SCN3B: variants seen among roughly 807,000 people sequenced by gnomAD.
The protein encoded by SCN3B is sodium voltage-gated channel beta subunit 3, also known as sodium channel regulatory subunit beta-3.
SCN3B carries 11 observed loss-of-function variants against 25.4 expected under a neutral mutation model. The ratio of observed to expected loss-of-function variants is 0.43; its 90% CI spans 0.27 to 0.72. The LOEUF (loss-of-function observed/expected upper bound fraction) is 0.72. Ranked by LOEUF, SCN3B falls within the 30% of genes least tolerant of loss-of-function variation. The pLI is 0.18. For missense variants in SCN3B, 218 were observed against 278.3 expected (o/e 0.78, Z 1.54); for synonymous variants, 109 against 110.7 (o/e 0.99, Z 0.09).
At position 123,633,788 on chromosome 11, in the gene SCN3B, A is replaced by G; in HGVS notation, c.*23-12T>C. On this transcript the variant is annotated splice_polypyrimidine_tract_variant and intron_variant, in intron 6 of 6. Coordinates refer to ENST00000299333, the MANE Select transcript of SCN3B (RefSeq NM_001040151.2). Reference sequence around the variant, plus strand: ...GGTGTTCAGGCCACCTACCAAAGATAAAATAACTCACTGAGAATTTCCCAC... The same window carrying G: ...GGTGTTCAGGCCACCTACCAAAGATGAAATAACTCACTGAGAATTTCCCAC... 2.9e-6 allele frequency: 1 copy of G among 345,990 alleles called. No individual in the cohort carries two copies. Among genetic ancestry groups the G allele is most frequent in the Non-Finnish European group, 5.7e-6 (1 of 176,852 alleles). The allele number at this position is 345,990 out of a possible 1,614,324, so 21.4% of individuals were successfully genotyped here.
Position 123,642,542 on chromosome 11 carries a change from G to A in SCN3B, c.349C>T (p.Leu117Phe). ...VLNVTLNDSG[L>F]YTCNVSREFE... is the part of the protein sequence containing the mutation. ...TCCCGGGACACATTGCAGGTGTAGA[G>A]GCCAGAGTCGTTCAGAGTGACGTTG... The change falls in exon 4 of 7, where the codon CTC becomes TTC. Residue 117 changes from leucine to phenylalanine, a missense_variant. Coordinates refer to ENST00000299333, the MANE Select transcript of SCN3B (RefSeq NM_001040151.2). The surrounding 1 kb of genome is among the most constrained non-coding windows in gnomAD (Gnocchi z 4.3). 6.2e-7 allele frequency: 1 copy of A among 1,614,182 alleles called. No individual in the cohort carries two copies. The highest frequency in any genetic ancestry group is 1.7e-5 in the Admixed American group (1 of 60,034).
chr11:123,649,380 T>C (rs556519492), intron 2 of SCN3B, among the ~76,000 whole-genome samples: 1 of 152,318 alleles, frequency 6.6e-6, no homozygotes, highest in South Asian at 2.1e-4. Flanking sequence ...GGTATCATCA[T>C]AGAGCAAGTC....
chr11:123,646,395 C>A (rs2137248082), intron 2 of SCN3B, among the ~76,000 whole-genome samples: 1 of 152,304 alleles, frequency 6.6e-6, no homozygotes, highest in South Asian at 2.1e-4. Flanking sequence ...CTGTGAAGAC[C>A]TCTGTGTGTC....
In SCN3B at chr11:123,629,799, G is replaced by A. The variant is rs1402180601; in HGVS notation, c.*4000C>T. 1 of 152,190 alleles carries A rather than the reference G, an allele frequency of 6.6e-6. No homozygotes were observed. The highest frequency in any genetic ancestry group is 1.5e-5 in the Non-Finnish European group (1 of 68,032). The allele number at this position is 152,190 out of a possible 1,614,324, so 9.4% of individuals were successfully genotyped here. ...TAGGGATTTTTCATTTACAAAATGA[G>A]GTGAGAGGAAGGCTTCTTTTGTTTT... is the stretch of plus-strand genomic sequence containing the variant. On this transcript the variant is annotated 3_prime_UTR_variant, in exon 7 of 7. Coordinates refer to ENST00000299333, the MANE Select transcript of SCN3B (RefSeq NM_001040151.2).
At chr11:123,638,901 C>T (rs1955757505) in intron 4 of SCN3B, 1 of 171,022 alleles carries the variant, frequency 5.8e-6, no homozygotes, top group South Asian at 1.4e-4. Flanking sequence ...CGCATGTTCT[C>T]TACAAGTCTG....
At chr11:123,637,758 G>T (rs908440960) in intron 5 of SCN3B, among the ~76,000 whole-genome samples, 1 of 151,960 alleles carries the variant, frequency 6.6e-6, no homozygotes, top group Non-Finnish European at 1.5e-5. Context: ...TTGAACTCCT[G>T]ACCTCAGGTG....
At chr11:123,649,677 CTCTCTCTCTCTCTGTCTCTG>C (rs1304215122) in intron 2 of SCN3B, among the ~76,000 whole-genome samples, 4 of 91,844 alleles carry the variant, frequency 4.4e-5, no homozygotes, top group Non-Finnish European at 9.4e-5. Context: ...TCTTTTTTTC[CTCTCTCTCTCTCTGTCTCTG>C]TCTCTCTCTC....
In SCN3B at chr11:123,653,959, C is replaced by G. The variant is rs1330265256; in HGVS notation, c.-25-133G>C. On this transcript the variant is annotated intron_variant, in intron 1 of 6. Coordinates refer to ENST00000299333, the MANE Select transcript of SCN3B (RefSeq NM_001040151.2). ...GGCCGAGCACCGGTGCCTGGGGAGG[C>G]CCTGGGAGCTTTTGGAGCCGGGTGG... 1.9e-5 allele frequency: 16 copies of G among 834,350 alleles called. No individual in the cohort carries two copies. In the South Asian group the frequency reaches 2.4e-4, roughly 12 times the overall value. 51.7% of individuals were successfully genotyped at this position (834,350 alleles called of 1,614,324 possible).
chr11:123,644,800 AATATATATATAT>A (rs56135097), intron 3 of SCN3B, among the ~76,000 whole-genome samples: 65 of 45,570 alleles, frequency 1.4e-3, no homozygotes, highest in Admixed American at 2.0e-3. Flanking sequence ...AGAGAGAGAG[AATATATATATAT>A]ATATATATAT....
intron 3 of SCN3B, among the ~76,000 whole-genome samples, chr11:123,644,450 A>G (rs1274215): frequency 0.089 from 13,526 of 152,122 alleles, 671 homozygotes; most frequent in South Asian, 0.16. Flanking sequence ...GGAGTAAATA[A>G]TGGTCATCTC....
At chr11:123,638,627 A>C in intron 4 of SCN3B, 1 of 419,634 alleles carries the variant, frequency 2.4e-6, no homozygotes, top group Non-Finnish European at 4.5e-6. Context: ...ACAGGTGTGT[A>C]AACAACCATT....
chr11:123,642,592 AG>A lies in SCN3B; in HGVS notation c.298del (p.Leu100CysfsTer13). ...GAGCACAGTGATGGACACGTCCTGC[AG>A]GTCCTTGCTGCCATTCCACTGCAGG... ...GRLQWNGSKD[L>X]QDVSITVLNV... On this transcript the variant is annotated frameshift_variant, in exon 4 of 7. Coordinates refer to ENST00000299333, the MANE Select transcript of SCN3B (RefSeq NM_001040151.2). LOFTEE classifies it high-confidence loss of function. This position sits in a 1 kb window ranked among gnomAD's most constrained non-coding sequence, Gnocchi z 4.3. 1 of 1,614,216 alleles carries A rather than the reference AG, an allele frequency of 6.2e-7. No homozygotes were observed. The highest frequency in any genetic ancestry group is 1.3e-5 in the African/African-American group (1 of 75,056).
At chr11:123,643,055 G>T (rs566542196) in intron 3 of SCN3B, among the ~76,000 whole-genome samples, 1 of 152,206 alleles carries the variant, frequency 6.6e-6, no homozygotes, top group South Asian at 2.1e-4. Flanking sequence ...ATTGTAAAAA[G>T]ATAGAGAGAA....
Position 123,631,387 on chromosome 11 carries a change from A to C in SCN3B, c.*2412T>G, listed in dbSNP as rs895161647. 1 of 152,198 alleles carries C rather than the reference A, an allele frequency of 6.6e-6. No homozygotes were observed. Among genetic ancestry groups the C allele is most frequent in the Non-Finnish European group, 1.5e-5 (1 of 68,040 alleles). The allele number at this position is 152,198 out of a possible 1,614,324, so 9.4% of individuals were successfully genotyped here. A position where few individuals can be genotyped will look rare whatever the true frequency, so the allele number is the denominator to read the frequency against. On this transcript the variant is annotated 3_prime_UTR_variant, in exon 7 of 7. Coordinates refer to ENST00000299333, the MANE Select transcript of SCN3B (RefSeq NM_001040151.2). ...ATGGGACTGGAAAAATTTCACACTG[A>C]GGCCAATTTTTCTAACTATAAAGTT...
In SCN3B at chr11:123,629,217, A is replaced by G. The variant is rs1356477233; in HGVS notation, c.*4582T>C. The stretch of plus-strand genomic sequence containing the variant: ...TTTCAGGGATACTTTATTGACATGA[A>G]CAAGGAGTTTACTGAAAAACAGCAC... On this transcript the variant is annotated 3_prime_UTR_variant, in exon 7 of 7. Transcript: ENST00000299333. 1 of 152,226 alleles carries G rather than the reference A, an allele frequency of 6.6e-6. No homozygotes were observed. Among genetic ancestry groups the G allele is most frequent in the African/African-American group, 2.4e-5 (1 of 41,438 alleles). The allele number at this position is 152,226 out of a possible 1,614,324, so 9.4% of individuals were successfully genotyped here. A position where few individuals can be genotyped will look rare whatever the true frequency, so the allele number is the denominator to read the frequency against.
At chr11:123,649,885 G>A (rs1279015613) in intron 2 of SCN3B, among the ~76,000 whole-genome samples, 2 of 151,936 alleles carry the variant, frequency 1.3e-5, no homozygotes, top group African/African-American at 4.8e-5. Flanking sequence ...TGTATTTTTA[G>A]TAAAGACAGG....
chr11:123,653,625 G>T, intron 2 of SCN3B, 122 bp downstream of exon 2: 1 of 1,116,586 alleles, frequency 9.0e-7, no homozygotes, highest in Non-Finnish European at 1.4e-6. Flanking sequence ...TCCATGTCTG[G>T]CAGATACGCA....
At chr11:123,645,873 C>T (rs1023724567) in intron 2 of SCN3B, 123 bp from the exon 3 acceptor site, 3 of 1,176,920 alleles carry the variant, frequency 2.5e-6, no homozygotes, top group South Asian at 1.3e-5. Context: ...ATGAGGCCAA[C>T]CTGAAAAAAG....
rs760965350 is a variant in SCN3B at position 123,631,355 on chromosome 11, A to G, written c.*2444T>C. 2.6e-5 allele frequency: 4 copies of G among 152,238 alleles called. No individual in the cohort carries two copies. The highest frequency in any genetic ancestry group is 4.4e-5 in the Non-Finnish European group (3 of 68,048). 9.4% of individuals were successfully genotyped at this position (152,238 alleles called of 1,614,324 possible). On this transcript the variant is annotated 3_prime_UTR_variant, in exon 7 of 7. Coordinates refer to ENST00000299333, the MANE Select transcript of SCN3B (RefSeq NM_001040151.2). ...CTACTACCGCAAGCTGGTGGCATCC[A>G]TGAGCTATGGGACTGGAAAAATTTC...
Sources: gnomAD v4.1 joint callset for allele counts (sites outside exome capture counted in the v4.1 genomes callset) on GRCh38, gnomAD v4.1.1 for gene constraint, Gnocchi (gnomAD v3.1) non-coding constraint, MANE v1.5 for transcripts, NCBI Gene and HGNC (gene_info 2026-07-23, HGNC 2026-07-21) for gene names.